The following DNAAF9 variants were observed in gnomAD, a reference collection of about 807,000 sequenced individuals.
The protein encoded by DNAAF9 is shulin.
A neutral mutation model predicts 167.0 loss-of-function variants in DNAAF9; 90 were observed. The ratio of observed to expected loss-of-function variants is 0.54; its 90% CI spans 0.45 to 0.64. DNAAF9 has a LOEUF of 0.64. Ranked by LOEUF, DNAAF9 falls within the 30% of genes least tolerant of loss-of-function variation. The probability of loss-of-function intolerance (pLI) is 0.00; values close to 1 mark genes in which losing one functional copy is unlikely to be tolerated. For synonymous variants in DNAAF9, 491 were observed against 508.8 expected (o/e 0.96, Z 0.47); for missense variants, 1,315 against 1,442.2 (o/e 0.91, Z 1.43).
intron 29 of DNAAF9, 33 bp from the exon 30 acceptor site, chr20:3,270,595 A>C (rs1424523521): frequency 6.2e-7 from 1 of 1,608,304 alleles, no homozygotes; most frequent in Non-Finnish European, 8.5e-7. Context: ...TTTAGCCTTC[A>C]CAGTCCTGGT....
At chr20:3,253,271 G>A (rs1048922042) in intron 36 of DNAAF9, among the ~76,000 whole-genome samples, 2 of 152,170 alleles carry the variant, frequency 1.3e-5, no homozygotes, top group African/African-American at 4.8e-5. Flanking sequence ...GAGAAACTCC[G>A]TTTCTACTAA....
chr20:3,305,206 T>C (rs1230045614), intron 20 of DNAAF9, among the ~76,000 whole-genome samples: 2 of 152,168 alleles, frequency 1.3e-5, no homozygotes, highest in Non-Finnish European at 2.9e-5. Context: ...CAGCTCAGTA[T>C]AGGCCCTAGG....
chr20:3,298,276 T>C, intron 21 of DNAAF9, 101 bp from the exon 22 acceptor site: 2 of 944,974 alleles, frequency 2.1e-6, no homozygotes, highest in Admixed American at 4.4e-5. Flanking sequence ...AGTACAATTA[T>C]TGTCACATTA....
Position 3,270,913 on chromosome 20 carries a change from A to T in DNAAF9, c.2651-351T>A, listed in dbSNP as rs1392513485. ...CTGCAACCTCAGCCTCCAGGGTTCA[A>T]GCAATTCTCCTGCCTCAGCCTCTTG... On this transcript the variant is annotated intron_variant, in intron 29 of 36. Transcript: ENST00000252032. Among the ~76,000 whole-genome samples, 7 of 151,520 alleles carry T rather than the reference A, an allele frequency of 4.6e-5. No individual in the cohort carries two copies. The East Asian group carries it at 1.4e-3, about 29-fold the overall frequency.
intron 27 of DNAAF9, among the ~76,000 whole-genome samples, chr20:3,282,296 A>G (rs759301510): frequency 2.0e-5 from 3 of 151,742 alleles, no homozygotes; most frequent in African/African-American, 7.3e-5. Flanking sequence ...GATGGACTCT[A>G]CTCTTTCAGA....
Position 3,345,266 on chromosome 20 carries a change from G to A in DNAAF9, c.790-1535C>T, listed in dbSNP as rs142793483. On this transcript the variant is annotated intron_variant, in intron 8 of 36. Coordinates refer to ENST00000252032, the MANE Select transcript of DNAAF9 (RefSeq NM_001009984.3). ...CTCCTGACCTCAAGTGATCCACCCCGCCTGGCTCAATTGGAGTTCTGATGT... is the reference window on the plus strand; with the variant it reads ...CTCCTGACCTCAAGTGATCCACCCCACCTGGCTCAATTGGAGTTCTGATGT... Among the ~76,000 whole-genome samples the A allele has an allele frequency of 4.5e-3, 677 of 152,120 alleles. 4 individuals carry two copies. Among genetic ancestry groups the A allele is most frequent in the African/African-American group, 0.015 (632 of 41,518 alleles).
At chr20:3,309,564 C>G (rs1359616366) in intron 20 of DNAAF9, among the ~76,000 whole-genome samples, 1 of 152,190 alleles carries the variant, frequency 6.6e-6, no homozygotes, top group Admixed American at 6.5e-5. Context: ...GCTGGCACTG[C>G]CGATCAGTGG....
rs545871335 is a variant in DNAAF9, at chr20:3,269,695, C to T, written c.2786+732G>A. Reference sequence around the variant, plus strand: ...TTCGGCCAGGCGTGGTGCCTCACGCCTGTAATCCCAGCACTTTGGGAGGCC... The same window carrying T: ...TTCGGCCAGGCGTGGTGCCTCACGCTTGTAATCCCAGCACTTTGGGAGGCC... On this transcript the variant is annotated intron_variant, in intron 30 of 36. Transcript: ENST00000252032. Among the ~76,000 whole-genome samples, 4 of 152,258 alleles carry T rather than the reference C, an allele frequency of 2.6e-5. No individual in the cohort carries two copies. In the East Asian group the frequency reaches 5.8e-4, roughly 22 times the overall value.
At position 3,252,351 on chromosome 20, in the gene DNAAF9, T is replaced by A. The variant is rs1321881340; in HGVS notation, c.*221A>T. 2.2e-6 allele frequency: 1 copy of A among 463,786 alleles called. No individual in the cohort carries two copies. Among genetic ancestry groups the A allele is most frequent in the Non-Finnish European group, 3.9e-6 (1 of 254,742 alleles). The allele number at this position is 463,786 out of a possible 1,614,324, so 28.7% of individuals were successfully genotyped here. A position where few individuals can be genotyped will look rare whatever the true frequency, so the allele number is the denominator to read the frequency against. On this transcript the variant is annotated 3_prime_UTR_variant, in exon 37 of 37. Coordinates refer to ENST00000252032, the MANE Select transcript of DNAAF9 (RefSeq NM_001009984.3). ...TAGACGGGCAGGCCCCATCTGCTCA[T>A]CCTTGAGTATTCCCCCGACCCCCAA...
At chr20:3,308,812 AC>A (rs2123007059) in intron 20 of DNAAF9, among the ~76,000 whole-genome samples, 1 of 151,450 alleles carries the variant, frequency 6.6e-6, no homozygotes, top group South Asian at 2.1e-4. Flanking sequence ...CTCCATCTCT[AC>A]TAAAAAAAAA....
At chr20:3,376,584 T>C (rs1392128291) in intron 3 of DNAAF9, among the ~76,000 whole-genome samples, 1 of 152,210 alleles carries the variant, frequency 6.6e-6, no homozygotes, top group African/African-American at 2.4e-5. Context: ...GGATAACAGC[T>C]TGATTTTAGA....
chr20:3,366,401 G>T (rs2083433500), intron 6 of DNAAF9, among the ~76,000 whole-genome samples: 1 of 152,110 alleles, frequency 6.6e-6, no homozygotes, highest in African/African-American at 2.4e-5. Flanking sequence ...GGACTCAATA[G>T]TGGGCTTAAA....
At position 3,250,048 on chromosome 20, in the gene DNAAF9, C is replaced by G. The variant is rs2068174324; in HGVS notation, c.*2524G>C. On this transcript the variant is annotated 3_prime_UTR_variant, in exon 37 of 37. Coordinates refer to ENST00000252032, the MANE Select transcript of DNAAF9 (RefSeq NM_001009984.3). Reference sequence around the variant, plus strand: ...CGACTTCAACATTATCCCACGCACTCTGGGTGATATAAACTGAAGCTGCTA... The same window carrying G: ...CGACTTCAACATTATCCCACGCACTGTGGGTGATATAAACTGAAGCTGCTA... 6.6e-6 allele frequency: 1 copy of G among 152,214 alleles called. No homozygotes were observed. The highest frequency in any genetic ancestry group is 1.5e-5 in the Non-Finnish European group (1 of 68,056). The allele number at this position is 152,214 out of a possible 1,614,324, so 9.4% of individuals were successfully genotyped here. A position where few individuals can be genotyped will look rare whatever the true frequency, so the allele number is the denominator to read the frequency against.
chr20:3,294,476 G>A (rs1272961803), intron 24 of DNAAF9, 52 bp downstream of exon 24: 33 of 1,299,110 alleles, frequency 2.5e-5, no homozygotes, highest in Middle Eastern at 3.9e-4. Context: ...TGAGGTTTCC[G>A]ACATTTCAAA....
At chr20:3,266,030 T>C (rs1384625265) in intron 30 of DNAAF9, among the ~76,000 whole-genome samples, 7 of 152,166 alleles carry the variant, frequency 4.6e-5, no homozygotes, top group Admixed American at 4.6e-4. Flanking sequence ...CCTCTATCTT[T>C]TGGTTGGTTT....
In DNAAF9 at chr20:3,249,379, G is replaced by T. The variant is rs913380383; in HGVS notation, c.*3193C>A. ...AGGTAAATTCACATACACAACTGCA[G>T]GTAAAAACATGTAAAATAATATAAA... is the stretch of plus-strand genomic sequence containing the variant. On this transcript the variant is annotated 3_prime_UTR_variant, in exon 37 of 37. Coordinates refer to ENST00000252032, the MANE Select transcript of DNAAF9 (RefSeq NM_001009984.3). The T allele has an allele frequency of 6.6e-6, 1 of 152,144 alleles. No individual in the cohort carries two copies. Among genetic ancestry groups the T allele is most frequent in the African/African-American group, 2.4e-5 (1 of 41,412 alleles). The allele number at this position is 152,144 out of a possible 1,614,324, so 9.4% of individuals were successfully genotyped here.
At chr20:3,253,921 C>A (rs777199355) in intron 35 of DNAAF9, 102 bp from the exon 36 acceptor site, 8 of 716,028 alleles carry the variant, frequency 1.1e-5, no homozygotes, top group Non-Finnish European at 1.7e-5. Context: ...ATAGACTACT[C>A]TGCTATACAG....
chr20:3,354,916 ACTGTTGCT>A (rs2083263749), intron 7 of DNAAF9, among the ~76,000 whole-genome samples: 1 of 152,156 alleles, frequency 6.6e-6, no homozygotes. Context: ...GGTGATCACC[ACTGTTGCT>A]GCTTCAGCTG....
At chr20:3,310,247 C>CAG (rs749194119) in intron 20 of DNAAF9, among the ~76,000 whole-genome samples, 64 of 118,054 alleles carry the variant, frequency 5.4e-4, no homozygotes, top group African/African-American at 1.5e-3. Context: ...GAGAGAGAAA[C>CAG]AGAGAGAGAG....
Sources: allele counts gnomAD v4.1 joint callset (sites outside exome capture counted in the v4.1 genomes callset), GRCh38; gene constraint gnomAD v4.1.1; transcripts MANE v1.5; gene names NCBI Gene and HGNC (gene_info 2026-07-23, HGNC 2026-07-21).